Variants in MDGA2 observed in about 807,000 individuals in gnomAD.
The protein encoded by MDGA2 is MAM domain containing glycosylphosphatidylinositol anchor 2, also known as MAM domain-containing glycosylphosphatidylinositol anchor protein 2.
Under a neutral mutation model 117.8 loss-of-function variants are expected in MDGA2, and 40 were observed. The observed-to-expected ratio is 0.34, with a 90% CI of 0.26 to 0.44. The LOEUF is 0.44. Among genes scored for constraint, MDGA2 ranks in the 20% least tolerant of loss-of-function variants. The pLI is 1.00. For missense variants in MDGA2, 1,123 were observed against 1,250.6 expected (o/e 0.90, Z 1.54); for synonymous variants, 452 against 439.0 (o/e 1.03, Z -0.37).
chr14:46,914,088 T>C (rs375184698), intron 10 of MDGA2, among the ~76,000 whole-genome samples: 1 of 152,152 alleles, frequency 6.6e-6, no homozygotes, highest in African/African-American at 2.4e-5. Context: ...AAATTGTGTA[T>C]TATTTAAAAC....
At chr14:47,191,269 A>G (rs1885101697) in intron 3 of MDGA2, among the ~76,000 whole-genome samples, 1 of 151,730 alleles carries the variant, frequency 6.6e-6, no homozygotes, top group Non-Finnish European at 1.5e-5. Context: ...ATGTTCTTAC[A>G]TATTCTTCTT....
intron 1 of MDGA2, among the ~76,000 whole-genome samples, chr14:47,610,399 G>A (rs561532037): frequency 6.6e-6 from 1 of 152,052 alleles, no homozygotes; most frequent in South Asian, 2.1e-4. Flanking sequence ...TGATATGATC[G>A]TTTATCGTGA....
chr14:46,872,642 C>T (rs1453710900), intron 14 of MDGA2, among the ~76,000 whole-genome samples: 1 of 151,888 alleles, frequency 6.6e-6, no homozygotes, highest in Non-Finnish European at 1.5e-5. Context: ...GTATAAATGT[C>T]CACATTCATT....
intron 1 of MDGA2, among the ~76,000 whole-genome samples, chr14:47,444,933 C>A (rs1448916539): frequency 6.6e-6 from 1 of 152,104 alleles, no homozygotes; most frequent in South Asian, 2.1e-4. Context: ...ATACCTACTT[C>A]TAAGGACTAT....
At chr14:47,525,582 G>T (rs1894954844) in intron 1 of MDGA2, among the ~76,000 whole-genome samples, 1 of 152,062 alleles carries the variant, frequency 6.6e-6, no homozygotes, top group Admixed American at 6.6e-5. Context: ...CTACTCAGGT[G>T]GCTAAGACAG....
At position 46,957,519 on chromosome 14, in the gene MDGA2, G is replaced by A. The variant is rs901218895; in HGVS notation, c.1944C>T (p.Gly648=). 9.3e-6 allele frequency: 15 copies of A among 1,613,966 alleles called. No homozygotes were observed. Among genetic ancestry groups the A allele is most frequent in the African/African-American group, 4.0e-5 (3 of 74,912 alleles). The change falls in exon 9 of 17, where the codon GGC becomes GGT. Residue 648 remains glycine (G), a synonymous_variant. Transcript: ENST00000399232. ...ATTGACCCGTCCGTAATAATTTATT[G>A]CCCAAGCGCCACTCATAGGTCAGCA... is the stretch of plus-strand genomic sequence containing the variant. ...IRVLTYEWRL[G]NKLLRTGQFD... is the part of the protein sequence containing the mutation.
chr14:47,397,281 G>A (rs1892033350), intron 1 of MDGA2, among the ~76,000 whole-genome samples: 1 of 152,088 alleles, frequency 6.6e-6, no homozygotes, highest in Non-Finnish European at 1.5e-5. Flanking sequence ...GTTGAACAAT[G>A]AGAACACATA....
intron 1 of MDGA2, among the ~76,000 whole-genome samples, chr14:47,535,893 C>T (rs1299236902): frequency 1.3e-5 from 2 of 152,198 alleles, no homozygotes; most frequent in Non-Finnish European, 2.9e-5. Context: ...GACTGCCAGT[C>T]GGCTGGGGAT....
intron 1 of MDGA2, among the ~76,000 whole-genome samples, chr14:47,507,476 A>C (rs556482033): frequency 6.6e-6 from 1 of 152,276 alleles, no homozygotes; most frequent in East Asian, 1.9e-4. Context: ...TACAAAACAG[A>C]CCAGACCTGA....
At chr14:46,995,250 A>G (rs1424485636) in intron 8 of MDGA2, among the ~76,000 whole-genome samples, 1 of 152,162 alleles carries the variant, frequency 6.6e-6, no homozygotes, top group Non-Finnish European at 1.5e-5. Flanking sequence ...CATTAGAACC[A>G]ATTAGGGAGT....
At chr14:47,319,638 T>C (rs1016003877) in intron 1 of MDGA2, among the ~76,000 whole-genome samples, 1 of 152,208 alleles carries the variant, frequency 6.6e-6, no homozygotes, top group Non-Finnish European at 1.5e-5. Flanking sequence ...TACTTCCTAA[T>C]AGATATTTCA....
At chr14:47,528,649 C>T (rs2138726852) in intron 1 of MDGA2, among the ~76,000 whole-genome samples, 1 of 152,184 alleles carries the variant, frequency 6.6e-6, no homozygotes, top group South Asian at 2.1e-4. Flanking sequence ...CTACATTTAA[C>T]CAGTTTTTAA....
chr14:47,558,975 A>C (rs1329702475), intron 1 of MDGA2, among the ~76,000 whole-genome samples: 1 of 152,234 alleles, frequency 6.6e-6, no homozygotes, highest in African/African-American at 2.4e-5. Flanking sequence ...ATGATTCTGC[A>C]AAAGAGCTTT....
chr14:46,887,025 T>C (rs1277721348), intron 10 of MDGA2, among the ~76,000 whole-genome samples: 1 of 152,028 alleles, frequency 6.6e-6, no homozygotes, highest in Non-Finnish European at 1.5e-5. Flanking sequence ...CTCTCCCACA[T>C]AGTAATTTGG....
chr14:47,583,925 C>T (rs937653143), intron 1 of MDGA2, among the ~76,000 whole-genome samples: 1 of 151,778 alleles, frequency 6.6e-6, no homozygotes, highest in African/African-American at 2.4e-5. Context: ...ACAATCTTAT[C>T]CCTACTGTGC....
At chr14:47,225,833 C>T (rs1016972860) in intron 2 of MDGA2, among the ~76,000 whole-genome samples, 1 of 148,496 alleles carries the variant, frequency 6.7e-6, no homozygotes, top group Non-Finnish European at 1.5e-5. Context: ...AAAAAAAAAC[C>T]ATTTCTCTAC....
intron 1 of MDGA2, among the ~76,000 whole-genome samples, chr14:47,531,379 C>T (rs1248774601): frequency 6.6e-6 from 1 of 152,150 alleles, no homozygotes; most frequent in South Asian, 2.1e-4. Flanking sequence ...ACAAGACGCA[C>T]AATCACATAA....
chr14:46,943,532 G>C (rs556845005), intron 9 of MDGA2, among the ~76,000 whole-genome samples: 1 of 152,080 alleles, frequency 6.6e-6, no homozygotes, highest in African/African-American at 2.4e-5. Context: ...ATGGCTTAAA[G>C]TATGCAACAT....
intron 8 of MDGA2, among the ~76,000 whole-genome samples, chr14:47,023,628 GAC>G (rs1888371825): frequency 6.6e-6 from 1 of 152,112 alleles, no homozygotes; most frequent in Non-Finnish European, 1.5e-5. Context: ...AAAAAGGAAA[GAC>G]AGAATGACTT....
Sources: gnomAD v4.1 joint callset for allele counts (sites outside exome capture counted in the v4.1 genomes callset) on GRCh38, gnomAD v4.1.1 for gene constraint, MANE v1.5 for transcripts, NCBI Gene and HGNC (gene_info 2026-07-23, HGNC 2026-07-21) for gene names.